The following DDX59 variants were observed in gnomAD, a reference collection of about 807,000 sequenced individuals.
DDX59 encodes probable ATP-dependent RNA helicase DDX59.
A neutral mutation model predicts 51.9 loss-of-function variants in DDX59; 30 were observed. The observed-to-expected ratio is 0.58, with a 90% CI of 0.43 to 0.78. The LOEUF is 0.78. Ranked by LOEUF, DDX59 falls within the 30% of genes least tolerant of loss-of-function variation. DDX59 has a pLI of 0.00. For synonymous variants in DDX59, 255 were observed against 253.3 expected, an observed-to-expected ratio of 1.01 and a Z score of -0.06; for missense variants, 672 against 730.8, an observed-to-expected ratio of 0.92 and a Z score of 0.93.
intron 4 of DDX59, among the ~76,000 whole-genome samples, chr1:200,656,964 C>T (rs1251159049): frequency 6.6e-6 from 1 of 151,846 alleles, no homozygotes; most frequent in Non-Finnish European, 1.5e-5. Context: ...AGAATTACTT[C>T]TCAGGCCGGG....
chr1:200,650,241 T>C (rs548510248), intron 5 of DDX59, among the ~76,000 whole-genome samples, 184 bp downstream of exon 5: 1 of 152,314 alleles, frequency 6.6e-6, no homozygotes, highest in Admixed American at 6.5e-5. Flanking sequence ...CCTGTATCTA[T>C]CCAACATGTT....
At chr1:200,669,233 T>C (rs1280432515) in intron 1 of DDX59, among the ~76,000 whole-genome samples, 2 of 152,220 alleles carry the variant, frequency 1.3e-5, no homozygotes, top group Admixed American at 1.3e-4. Flanking sequence ...TACTAATAAA[T>C]ATTTTTCTTA....
intron 1 of DDX59, 62 bp from the exon 2 acceptor site, chr1:200,666,813 C>T (rs1244966408): frequency 2.0e-6 from 3 of 1,508,328 alleles, no homozygotes; most frequent in Non-Finnish European, 1.8e-6. Flanking sequence ...ATATAAAGTA[C>T]CATATGATTA....
intron 2 of DDX59, among the ~76,000 whole-genome samples, chr1:200,665,478 G>A (rs574845055): frequency 6.7e-6 from 1 of 148,362 alleles, no homozygotes; most frequent in South Asian, 2.1e-4. Context: ...AGTGAAACTC[G>A]GTCCCAAAAA....
intron 1 of DDX59, among the ~76,000 whole-genome samples, chr1:200,668,225 G>A (rs937521660): frequency 1.3e-5 from 2 of 151,840 alleles, no homozygotes; most frequent in African/African-American, 4.8e-5. Flanking sequence ...GGAGAATGGC[G>A]TGAACCCGGG....
intron 4 of DDX59, among the ~76,000 whole-genome samples, chr1:200,658,186 T>C (rs1218418065): frequency 6.6e-6 from 1 of 152,176 alleles, no homozygotes; most frequent in African/African-American, 2.4e-5. Flanking sequence ...TGGTGAGACA[T>C]GTGGGAAGAT....
At chr1:200,651,818 C>T (rs1000833960) in intron 4 of DDX59, among the ~76,000 whole-genome samples, 1 of 151,950 alleles carries the variant, frequency 6.6e-6, no homozygotes, top group Admixed American at 6.6e-5. Flanking sequence ...ACCATCCTGG[C>T]TAACACGGTG....
chr1:200,646,657 T>C (rs1403135601), intron 7 of DDX59, among the ~76,000 whole-genome samples: 1 of 152,158 alleles, frequency 6.6e-6, no homozygotes, highest in Non-Finnish European at 1.5e-5. Context: ...CAGGCGAGAA[T>C]GTAAAATGGT....
At chr1:200,658,813 G>A (rs1265090960) in intron 4 of DDX59, among the ~76,000 whole-genome samples, 1 of 152,148 alleles carries the variant, frequency 6.6e-6, no homozygotes, top group Non-Finnish European at 1.5e-5. Context: ...TGTGTTTTCT[G>A]TCAATTAGGA....
At chr1:200,661,797 C>T (rs918746329) in intron 3 of DDX59, among the ~76,000 whole-genome samples, 2 of 152,290 alleles carry the variant, frequency 1.3e-5, no homozygotes, top group East Asian at 3.9e-4. Flanking sequence ...ACTCTATCAA[C>T]GTGATACTGT....
At chr1:200,652,335 G>A (rs1005482468) in intron 4 of DDX59, among the ~76,000 whole-genome samples, 1 of 152,082 alleles carries the variant, frequency 6.6e-6, no homozygotes, top group Non-Finnish European at 1.5e-5. Flanking sequence ...GTATTTTTAA[G>A]GGCCCACTAA....
At chr1:200,653,861 CCTGA>C (rs1299022204) in intron 4 of DDX59, among the ~76,000 whole-genome samples, 1 of 152,116 alleles carries the variant, frequency 6.6e-6, no homozygotes, top group Non-Finnish European at 1.5e-5. Flanking sequence ...GAGAGCTCTC[CCTGA>C]CTACCAATCC....
At chr1:200,658,925 TGAGAGAGAG>T in intron 4 of DDX59, 93 bp downstream of exon 4, 1 of 1,009,218 alleles carries the variant, frequency 9.9e-7, no homozygotes, top group Admixed American at 2.4e-5. Context: ...AGGTTTTTTT[TGAGAGAGAG>T]AAAAGGTACT....
chr1:200,661,690 C>A (rs7530576), intron 3 of DDX59, among the ~76,000 whole-genome samples: 17,714 of 152,236 alleles, frequency 0.12, 1,514 homozygotes, highest in East Asian at 0.42. Flanking sequence ...TGATTCTGAA[C>A]TGGATTCTTG....
intron 5 of DDX59, 134 bp from the exon 6 acceptor site, chr1:200,649,360 G>T: frequency 1.2e-6 from 1 of 850,168 alleles, no homozygotes; most frequent in South Asian, 2.1e-5. Flanking sequence ...TGGGCGCGGT[G>T]GCTCACACCT....
intron 5 of DDX59, among the ~76,000 whole-genome samples, chr1:200,650,202 A>G (rs1460085193): frequency 6.6e-6 from 1 of 152,184 alleles, no homozygotes; most frequent in African/African-American, 2.4e-5. Context: ...ATATTTAAAT[A>G]TAATTCTATA....
At position 200,663,932 on chromosome 1, in the gene DDX59, T is replaced by G; in HGVS notation, c.959A>C (p.Gln320Pro). 3 of 1,610,996 alleles carry G rather than the reference T, an allele frequency of 1.9e-6. No homozygotes were observed. The highest frequency in any genetic ancestry group is 2.5e-6 in the Non-Finnish European group (3 of 1,179,098). ...LPLPPQLYRL[Q>P]QHVKVIIATP... is the part of the protein sequence containing the mutation. ...ATCAGTGCTTACCTTAACATGTTGT[T>G]GCAGACGATAAAGCTGTGGGGGTAA... Residue 320 changes from glutamine to proline, a missense_variant, in exon 3 of 8, where the codon CAA becomes CCA. Physicochemically the swap from Gln to Pro is moderately conservative, Grantham distance 76. Transcript: ENST00000331314.
intron 7 of DDX59, among the ~76,000 whole-genome samples, chr1:200,644,895 C>CAAAAAAAAAAAAAAA (rs60033922): frequency 1.2e-5 from 1 of 80,982 alleles, no homozygotes; most frequent in Non-Finnish European, 2.5e-5. Flanking sequence ...GACTCCATCT[C>CAAAAAAAAAAAAAAA]AAAAAAAAAA....
chr1:200,652,153 G>A (rs1196759185), intron 4 of DDX59, among the ~76,000 whole-genome samples: 1 of 151,598 alleles, frequency 6.6e-6, no homozygotes, highest in Non-Finnish European at 1.5e-5. Flanking sequence ...AAACTATTAC[G>A]GCATGGGGGT....
Sources: allele counts gnomAD v4.1 joint callset (sites outside exome capture counted in the v4.1 genomes callset), GRCh38; gene constraint gnomAD v4.1.1; transcripts MANE v1.5; gene names NCBI Gene and HGNC (gene_info 2026-07-23, HGNC 2026-07-21).